Variants in NEB observed in about 807,000 individuals in gnomAD.
The protein encoded by NEB is nemaline myopathy type 2.
A neutral mutation model predicts 952.2 loss-of-function variants in NEB; 512 were observed. The observed-to-expected ratio is 0.54, with a 90% CI of 0.50 to 0.58. The LOEUF (loss-of-function observed/expected upper bound fraction) is 0.58, where lower values mean the gene tolerates loss of function less well. Among genes scored for constraint, NEB ranks in the 20% least tolerant of loss-of-function variants. The pLI is 0.00. For missense variants in NEB, 8,428 were observed against 9,231.1 expected (o/e 0.91, Z 3.56); for synonymous variants, 2,900 against 3,149.8 (o/e 0.92, Z 2.66).
Position 151,627,658 on chromosome 2 carries a change from C to G in NEB, c.10008G>C (p.Leu3336=), listed in dbSNP as rs1305733827. 1 of 1,613,980 alleles carries G rather than the reference C, an allele frequency of 6.2e-7. No individual in the cohort carries two copies. The highest frequency in any genetic ancestry group is 2.2e-5 in the East Asian group (1 of 44,872). ...GGCACTTCTTGGCTAACACCACTCC[C>G]AGCATGTCCACTGGGCTGCTGAACT... ...KTKFSSPVDM[L]GVVLAKKCQT... is the part of the protein sequence containing the mutation. Residue 3336 remains leucine (L), a synonymous_variant, in exon 69 of 182, where the codon CTG becomes CTC. Transcript: ENST00000397345.
intron 52 of NEB, among the ~76,000 whole-genome samples, chr2:151,651,236 G>C (rs1405118631): frequency 6.6e-6 from 1 of 152,218 alleles, no homozygotes; most frequent in Non-Finnish European, 1.5e-5. Context: ...AGTATCAAGA[G>C]AGGTTATGAT....
chr2:151,527,015 T>C lies in NEB; in HGVS notation c.21848A>G (p.Tyr7283Cys). The change falls in exon 148 of 182, where the codon TAT (tyrosine) becomes TGT (cysteine). Residue 7283 changes from tyrosine (Y) to cysteine (C), a missense_variant. By Grantham distance (194) the Tyr-to-Cys change is radical. Coordinates refer to ENST00000397345, the MANE Select transcript of NEB (RefSeq NM_001164508.2). ...CTTGAGGAACTCCCGGTCCAGCTTA[T>C]ATTCAAACTGTGATAGAAGAAAGGC... Reference protein sequence around the residue: ...KSSLQQSDFEYKLDREFLKGC... With the variant: ...KSSLQQSDFECKLDREFLKGC... The C allele has an allele frequency of 6.3e-7, 1 of 1,590,706 alleles. No homozygotes were observed. The highest frequency in any genetic ancestry group is 1.1e-5 in the South Asian group (1 of 87,700).
Position 151,517,012 on chromosome 2 carries a change from G to C in NEB, c.22801-449C>G, listed in dbSNP as rs150786947. Among the ~76,000 whole-genome samples, 261 of 152,306 alleles carry C rather than the reference G, an allele frequency of 1.7e-3. 2 individuals are homozygous for C. In the South Asian group the frequency reaches 0.031, roughly 18 times the overall value. ...ACTTTTATCAGAGACCTGGGGTCTA[G>C]ATTGAATGGATAACACATGGAGCTT... On this transcript the variant is annotated intron_variant, in intron 156 of 181. Transcript: ENST00000397345.
intron 42 of NEB, 97 bp downstream of exon 42, chr2:151,665,236 G>A (rs1575570588): frequency 8.4e-7 from 1 of 1,186,910 alleles, no homozygotes. Flanking sequence ...AAGACGATCA[G>A]AAAGAAACAC....
At chr2:151,539,310 T>A (rs1183422275) in intron 138 of NEB, among the ~76,000 whole-genome samples, 1 of 152,208 alleles carries the variant, frequency 6.6e-6, no homozygotes, top group Non-Finnish European at 1.5e-5. Flanking sequence ...GGGGAGTATA[T>A]GATTTTTTCC....
In NEB at chr2:151,506,206, T is replaced by G. The variant is rs1454960791; in HGVS notation, c.23609A>C (p.Glu7870Ala). 1 of 1,613,658 alleles carries G rather than the reference T, an allele frequency of 6.2e-7. No individual in the cohort carries two copies. The highest frequency in any genetic ancestry group is 8.5e-7 in the Non-Finnish European group (1 of 1,179,650). The change falls in exon 164 of 182, where the codon GAG (glutamate) becomes GCG (alanine). Residue 7870 changes from glutamate to alanine, a missense_variant. Around this residue, in one of 11 missense-constraint regions of NEB, gnomAD observed 3,374 missense variants for 3,651.5 expected, o/e 0.92. Coordinates refer to ENST00000397345, the MANE Select transcript of NEB (RefSeq NM_001164508.2). ...CTGTGTTTGTTTCACTCTCATCATC[T>G]CAGGTGTCTTTCCGATAGCCGTTCC... Reference protein sequence around the residue: ...SPGTAIGKTPEMMRVKQTQDH... With the variant: ...SPGTAIGKTPAMMRVKQTQDH...
Position 151,654,110 on chromosome 2 carries a change from A to G in NEB, c.6808-11T>C, listed in dbSNP as rs199804593. On this transcript the variant is annotated splice_polypyrimidine_tract_variant and intron_variant, in intron 51 of 181. Transcript: ENST00000397345. ...AAGTTTATAGAGTTTCTGAAAATTA[A>G]AGATATTCTTCAGCATTATTCTGTC... is the stretch of plus-strand genomic sequence containing the variant. 292 of 1,551,224 alleles carry G rather than the reference A, an allele frequency of 1.9e-4. 1 individual carries two copies. The African/African-American group carries it at 3.2e-3, about 17-fold the overall frequency.
intron 172 of NEB, 117 bp downstream of exon 172, chr2:151,496,824 T>TAA: frequency 8.1e-7 from 1 of 1,238,894 alleles, no homozygotes; most frequent in South Asian, 1.5e-5. Context: ...ATAAATTTGC[T>TAA]AAAGAAAGAA....
In NEB at chr2:151,570,314, G is replaced by T; in HGVS notation, c.17197C>A (p.Arg5733Ser). ...TLTARDDNKIRWALIADKLQN... is the reference protein window; with the variant it reads ...TLTARDDNKISWALIADKLQN... ...AGCTTGTCAGCTATGAGGGCCCAGC[G>T]GATCTTGTTGTCATCCCTGGCTGTG... The change falls in exon 109 of 182, where the codon CGC (arginine) becomes AGC (serine). Residue 5733 changes from arginine (R) to serine (S), a missense_variant. This residue lies in a region of NEB where 3,374 missense variants were observed against 3,651.5 expected (regional missense o/e 0.92). Transcript: ENST00000397345. 5 of 1,609,348 alleles carry T rather than the reference G, an allele frequency of 3.1e-6. No individual in the cohort carries two copies. The highest frequency in any genetic ancestry group is 4.3e-6 in the Non-Finnish European group (5 of 1,176,412).
chr2:151,547,774 A>G, intron 131 of NEB, 36 bp from the exon 132 acceptor site: 1 of 1,512,612 alleles, frequency 6.6e-7, no homozygotes, highest in Non-Finnish European at 9.1e-7. Flanking sequence ...GGCATTTAGT[A>G]GGGGACGACG....
chr2:151,638,928 A>T (rs1450158474), intron 63 of NEB, among the ~76,000 whole-genome samples: 1 of 152,160 alleles, frequency 6.6e-6, no homozygotes, highest in African/African-American at 2.4e-5. Context: ...CACACTTAGG[A>T]ACAATATATG....
chr2:151,680,921 A>G (rs2099409597), intron 29 of NEB, 93 bp from the exon 30 acceptor site: 5 of 1,052,762 alleles, frequency 4.7e-6, no homozygotes, highest in East Asian at 4.8e-5. Flanking sequence ...AGCGAAAAGG[A>G]AGAGTTTTTC....
intron 13 of NEB, among the ~76,000 whole-genome samples, chr2:151,702,062 T>C (rs1417402847): frequency 6.7e-6 from 1 of 148,916 alleles, no homozygotes; most frequent in East Asian, 1.9e-4. Context: ...TCTGGTATGT[T>C]GTGTCTTTGT....
chr2:151,651,347 T>A (rs1296565884), intron 52 of NEB, among the ~76,000 whole-genome samples: 1 of 152,206 alleles, frequency 6.6e-6, no homozygotes, highest in African/African-American at 2.4e-5. Context: ...CTTGTGATAT[T>A]CTTATGGAAA....
rs1264643479 is a variant in NEB at position 151,513,563 on chromosome 2, C to A, written c.23241+17G>T. On this transcript the variant is annotated intron_variant, in intron 160 of 181. Coordinates refer to ENST00000397345, the MANE Select transcript of NEB (RefSeq NM_001164508.2). Reference sequence around the variant, plus strand: ...AACTACTTTCCTGAAAGATTGACATCGAATAGTAGCACTGACCTGACTGGC... The same window carrying A: ...AACTACTTTCCTGAAAGATTGACATAGAATAGTAGCACTGACCTGACTGGC... The A allele has an allele frequency of 3.9e-6, 6 of 1,552,722 alleles. No homozygotes were observed. Among genetic ancestry groups the A allele is most frequent in the Admixed American group, 1.8e-5 (1 of 55,598 alleles).
At chr2:151,611,435 TATAGTATAAAA>T (rs1444880469) in intron 78 of NEB, among the ~76,000 whole-genome samples, 1 of 152,212 alleles carries the variant, frequency 6.6e-6, no homozygotes, top group Admixed American at 6.5e-5. Context: ...TGTTGATGGA[TATAGTATAAAA>T]GAGTTTCTAG....
rs761942106 is a variant in NEB, at chr2:151,636,593, AACATGGTGAAACCC to A, written c.8995-273_8995-260del. ...TCAGGAGTTCGAGACCAGCATGGCC[AACATGGTGAAACCC>A]CATCTCTACTAAATATAAAAAAAAT... On this transcript the variant is annotated intron_variant, in intron 63 of 181. Transcript: ENST00000397345. Among the ~76,000 whole-genome samples, 144 of 152,264 alleles carry A rather than the reference AACATGGTGAAACCC, an allele frequency of 9.5e-4. 1 individual carries two copies. Among genetic ancestry groups the A allele is most frequent in the Non-Finnish European group, 1.6e-3 (111 of 68,020 alleles).
In NEB at chr2:151,663,685, G is replaced by A. The variant is rs774721812; in HGVS notation, c.5626C>T (p.Leu1876Phe). The A allele has an allele frequency of 2.5e-6, 4 of 1,613,674 alleles. No individual in the cohort carries two copies. In the African/African-American group the frequency reaches 5.3e-5, roughly 22 times the overall value. ...GACTTCTTGGCTGCCACCACACTGA[G>A]CATGTCCACCGGGGTGTGGAAGGAG... ...KTSFHTPVDM[L>F]SVVAAKKSQE... Residue 1876 changes from leucine (L) to phenylalanine (F), a missense_variant, in exon 45 of 182, where the codon CTC (leucine) becomes TTC (phenylalanine). Physicochemically the swap from Leu to Phe is conservative, Grantham distance 22. This residue lies in a region of NEB where 2,851 missense variants were observed against 2,791.5 expected (regional missense o/e 1.02). Transcript: ENST00000397345.
At chr2:151,497,127 A>AAAAC in intron 171 of NEB, 94 bp from the exon 172 acceptor site, 3 of 1,427,644 alleles carry the variant, frequency 2.1e-6, no homozygotes, top group South Asian at 2.6e-5. Flanking sequence ...TTGTTAAGAC[A>AAAAC]AAACACAGTT....
Sources: gnomAD v4.1 joint callset for allele counts (sites outside exome capture counted in the v4.1 genomes callset) on GRCh38, gnomAD v4.1.1 for gene constraint, gnomAD v4.1.1 regional missense constraint, MANE v1.5 for transcripts, NCBI Gene and HGNC (gene_info 2026-07-23, HGNC 2026-07-21) for gene names.